DSE: variants seen among roughly 807,000 people sequenced by gnomAD.
The protein encoded by DSE is dermatan-sulfate epimerase.
A neutral mutation model predicts 84.4 loss-of-function variants in DSE; 36 were observed. The observed-to-expected ratio is 0.43, with a 90% CI of 0.33 to 0.56. The LOEUF is 0.56. Ranked by LOEUF, DSE falls within the 20% of genes least tolerant of loss-of-function variation. DSE has a pLI of 0.06. For missense variants in DSE, 862 were observed against 1,169.6 expected (o/e 0.74, Z 3.84); for synonymous variants, 410 against 430.1 (o/e 0.95, Z 0.58).
intron 2 of DSE, among the ~76,000 whole-genome samples, chr6:116,304,856 A>G (rs1171490528): frequency 6.6e-6 from 1 of 152,144 alleles, no homozygotes; most frequent in Non-Finnish European, 1.5e-5. Flanking sequence ...TCATTCTACT[A>G]TCTTTATTAA....
At chr6:116,418,606 T>A (rs530121083) in intron 2 of DSE, among the ~76,000 whole-genome samples, 1 of 152,306 alleles carries the variant, frequency 6.6e-6, no homozygotes, top group Non-Finnish European at 1.5e-5. Context: ...TCTCATGCCT[T>A]GCTCTGTCTT....
At chr6:116,261,277 G>A (rs1275309910) in intron 2 of DSE, among the ~76,000 whole-genome samples, 1 of 151,928 alleles carries the variant, frequency 6.6e-6, no homozygotes, top group Non-Finnish European at 1.5e-5. Context: ...ACCTAGGCTG[G>A]AGTGCAGTGG....
intron 2 of DSE, among the ~76,000 whole-genome samples, chr6:116,274,970 A>T (rs563569163): frequency 1.3e-5 from 2 of 152,374 alleles, no homozygotes; most frequent in East Asian, 3.9e-4. Flanking sequence ...AGCCACATTA[A>T]ACAATGGCAA....
chr6:116,417,556 A>C (rs2077305134), intron 2 of DSE, among the ~76,000 whole-genome samples: 1 of 152,184 alleles, frequency 6.6e-6, no homozygotes, highest in Non-Finnish European at 1.5e-5. Context: ...TTTAGAATTT[A>C]ATATTTGGGA....
intron 2 of DSE, among the ~76,000 whole-genome samples, chr6:116,358,245 A>G (rs534671679): frequency 6.6e-6 from 1 of 152,304 alleles, no homozygotes; most frequent in East Asian, 1.9e-4. Flanking sequence ...GTTTCTGATC[A>G]TAGAGATCTA....
chr6:116,308,557 A>G (rs1261322776), intron 2 of DSE, among the ~76,000 whole-genome samples: 1 of 152,220 alleles, frequency 6.6e-6, no homozygotes. Context: ...ATCAGTGCCC[A>G]CATTCTTGTT....
chr6:116,372,676 G>A (rs1779674924), intron 1 of DSE, among the ~76,000 whole-genome samples: 1 of 152,142 alleles, frequency 6.6e-6, no homozygotes, highest in South Asian at 2.1e-4. Flanking sequence ...ACAGATATAA[G>A]TTCTTTTCTG....
At position 116,278,731 on chromosome 6, in the gene DSE, A is replaced by G. The variant is rs764097142; in HGVS notation, c.-54+19764A>G. ...GCAGATGAGGTCTTGGTTTCTGCGA[A>G]TGAAGGACTGGGGTTCATGCCCCCT... is the stretch of plus-strand genomic sequence containing the variant. On this transcript the variant is annotated intron_variant, in intron 2 of 3. Coordinates refer to the DSE transcript ENST00000430252. 7.4e-6 allele frequency: 12 copies of G among 1,614,158 alleles called. No homozygotes were observed. The South Asian group carries it at 1.3e-4, about 18-fold the overall frequency.
Position 116,433,376 on chromosome 6 carries a change from A to G in DSE, c.944A>G (p.Asn315Ser). 6.4e-7 allele frequency: 1 copy of G among 1,551,578 alleles called. No homozygotes were observed. Among genetic ancestry groups the G allele is most frequent in the Non-Finnish European group, 8.7e-7 (1 of 1,146,970 alleles). The change falls in exon 5 of 6, where the codon AAT becomes AGT. Residue 315 changes from asparagine to serine, a missense_variant. Physicochemically the swap from Asn to Ser is conservative, Grantham distance 46 (BLOSUM62 1). Around this residue, in one of 4 missense-constraint regions of DSE, gnomAD observed 309 missense variants for 516.9 expected, o/e 0.60. Transcript: ENST00000644252. ...FQRTVAIADS[N>S]YNWFYGPESQ... ...AGGACTGTGGCTATTGCGGACTCAA[A>G]TTACAACTGGTTTTATGGTCCAGAA...
Position 116,436,458 on chromosome 6 carries a change from T to A in DSE, c.1990T>A (p.Phe664Ile). Residue 664 changes from phenylalanine (F) to isoleucine (I), a missense_variant, in exon 6 of 6, where the codon TTC becomes ATC. Physicochemically the swap from Phe to Ile is conservative, Grantham distance 21 (BLOSUM62 0). Around this residue, in one of 4 missense-constraint regions of DSE, gnomAD observed 186 missense variants for 255.1 expected, o/e 0.73. Coordinates refer to ENST00000644252, the MANE Select transcript of DSE (RefSeq NM_013352.4). ...TCCCATCACCAGGGCAGCTTACCTCTTCATAGGGCCATCTATAGATGTTCA... is the reference window on the plus strand; with the variant it reads ...TCCCATCACCAGGGCAGCTTACCTCATCATAGGGCCATCTATAGATGTTCA... ...RSPITRAAYL[F>I]IGPSIDVQSF... 1 of 1,614,138 alleles carries A rather than the reference T, an allele frequency of 6.2e-7. No homozygotes were observed. Among genetic ancestry groups the A allele is most frequent in the Non-Finnish European group, 8.5e-7 (1 of 1,180,004 alleles).
Position 116,437,207 on chromosome 6 carries a change from T to C in DSE, c.2739T>C (p.Phe913=). The change falls in exon 6 of 6, where the codon TTT becomes TTC. Residue 913 remains phenylalanine, a synonymous_variant. Coordinates refer to ENST00000644252, the MANE Select transcript of DSE (RefSeq NM_013352.4). The part of the protein sequence containing the change: ...LFLILNIAIF[F]VMLAMQLTYF... The stretch of plus-strand genomic sequence containing the variant: ...TGATTCTGAACATTGCTATTTTCTT[T>C]GTCATGTTGGCAATGCAACTGACTT... The C allele has an allele frequency of 6.2e-7, 1 of 1,614,174 alleles. No homozygotes were observed. Among genetic ancestry groups the C allele is most frequent in the Non-Finnish European group, 8.5e-7 (1 of 1,180,012 alleles).
At chr6:116,278,439 C>T (rs988712642) in intron 2 of DSE, 8 of 1,591,706 alleles carry the variant, frequency 5.0e-6, no homozygotes, top group Non-Finnish European at 6.9e-6. Flanking sequence ...AGAAGGCATA[C>T]TCATTGCTGA....
At chr6:116,329,917 G>A (rs916657470) in intron 2 of DSE, among the ~76,000 whole-genome samples, 4 of 152,142 alleles carry the variant, frequency 2.6e-5, no homozygotes, top group African/African-American at 4.8e-5. Context: ...TCCGCCTTCC[G>A]GATTCAAGTG....
chr6:116,257,554 C>T (rs1772199053), intron 1 of DSE, among the ~76,000 whole-genome samples: 1 of 152,156 alleles, frequency 6.6e-6, no homozygotes, highest in Non-Finnish European at 1.5e-5. Context: ...TAAACAGTAA[C>T]TTACTTCTCA....
chr6:116,401,671 A>G (rs1426168611), intron 2 of DSE, among the ~76,000 whole-genome samples: 1 of 152,164 alleles, frequency 6.6e-6, no homozygotes, highest in Non-Finnish European at 1.5e-5. Context: ...TTTCATTTAG[A>G]TTTGTGGTTG....
intron 2 of DSE, chr6:116,279,181 T>C (rs761048040): frequency 1.9e-6 from 3 of 1,612,414 alleles, no homozygotes; most frequent in South Asian, 2.2e-5. Context: ...GGGCCCTTCT[T>C]CCTCCCTCGC....
chr6:116,340,692 A>G (rs927286802), intron 2 of DSE, among the ~76,000 whole-genome samples: 1 of 151,846 alleles, frequency 6.6e-6, no homozygotes, highest in African/African-American at 2.4e-5. Flanking sequence ...CCTGTGTCCA[A>G]GGGTTCTCAT....
At chr6:116,316,092 A>C (rs1775960328) in intron 2 of DSE, among the ~76,000 whole-genome samples, 1 of 152,112 alleles carries the variant, frequency 6.6e-6, no homozygotes, top group Admixed American at 6.5e-5. Flanking sequence ...AAAATTCCCA[A>C]GTGAACTTAG....
chr6:116,310,909 G>T (rs1418996453), intron 2 of DSE, among the ~76,000 whole-genome samples: 1 of 152,172 alleles, frequency 6.6e-6, no homozygotes, highest in Non-Finnish European at 1.5e-5. Flanking sequence ...TGTGGCCACA[G>T]GGTCTCTGGG....
Sources: gnomAD v4.1 joint callset for allele counts (sites outside exome capture counted in the v4.1 genomes callset) on GRCh38, gnomAD v4.1.1 for gene constraint, gnomAD v4.1.1 regional missense constraint, MANE v1.5 for transcripts, NCBI Gene and HGNC (gene_info 2026-07-23, HGNC 2026-07-21) for gene names.